The following DOCK4 variants were observed in gnomAD, a reference collection of about 807,000 sequenced individuals.
DOCK4 encodes the protein dedicator of cytokinesis protein 4.
A neutral mutation model predicts 268.1 loss-of-function variants in DOCK4; 97 were observed. The ratio of observed to expected loss-of-function variants is 0.36; its 90% CI spans 0.31 to 0.43. The LOEUF (loss-of-function observed/expected upper bound fraction) is 0.43, where lower values mean the gene tolerates loss of function less well. Among genes scored for constraint, DOCK4 ranks in the 20% least tolerant of loss-of-function variants. The pLI is 1.00. For missense variants in DOCK4, 2,145 were observed against 2,455.7 expected (o/e 0.87, Z 2.67); for synonymous variants, 954 against 887.2 (o/e 1.08, Z -1.34).
chr7:112,013,422 A>T (rs1801523968), intron 1 of DOCK4, among the ~76,000 whole-genome samples: 1 of 152,194 alleles, frequency 6.6e-6, no homozygotes, highest in South Asian at 2.1e-4. Flanking sequence ...TCTCAAGGAG[A>T]TAGGGGAGCC....
chr7:112,168,166 C>G (rs1359079198), intron 1 of DOCK4, among the ~76,000 whole-genome samples: 1 of 152,134 alleles, frequency 6.6e-6, no homozygotes, highest in Non-Finnish European at 1.5e-5. Context: ...TTTTAAACTA[C>G]CTTTACATCA....
intron 27 of DOCK4, chr7:111,819,670 A>G (rs969915062): frequency 2.0e-5 from 3 of 152,200 alleles, no homozygotes; most frequent in African/African-American, 7.2e-5. Flanking sequence ...AATTTACTTG[A>G]AAACAGAGGA....
intron 25 of DOCK4, among the ~76,000 whole-genome samples, chr7:111,835,863 G>A (rs1803197706): frequency 1.3e-5 from 2 of 152,060 alleles, no homozygotes; most frequent in African/African-American, 4.8e-5. Context: ...ACCATGTCAA[G>A]GCAACCAGGT....
chr7:111,872,978 G>A (rs573429354), intron 17 of DOCK4, among the ~76,000 whole-genome samples: 63 of 152,272 alleles, frequency 4.1e-4, no homozygotes, highest in African/African-American at 1.4e-3. Context: ...TTGAGGGCTG[G>A]GAACCTGCTT....
intron 37 of DOCK4, among the ~76,000 whole-genome samples, chr7:111,768,948 G>A (rs1040000751): frequency 1.3e-5 from 2 of 152,082 alleles, no homozygotes; most frequent in East Asian, 1.9e-4. Flanking sequence ...AAGTGATTAG[G>A]TCATGAGGGT....
At chr7:111,747,752 A>AATT (rs2133484522) in intron 42 of DOCK4, among the ~76,000 whole-genome samples, 1 of 42,162 alleles carries the variant, frequency 2.4e-5, no homozygotes, top group East Asian at 8.3e-4. Context: ...TGTCTTTTAA[A>AATT]ACTAGTTTTT....
At chr7:111,930,961 A>G (rs1164651631) in intron 12 of DOCK4, among the ~76,000 whole-genome samples, 1 of 152,146 alleles carries the variant, frequency 6.6e-6, no homozygotes, top group Non-Finnish European at 1.5e-5. Context: ...TCTAGAGCAG[A>G]ATATTAGAGT....
chr7:111,734,724 G>A (rs1050710762), intron 51 of DOCK4, among the ~76,000 whole-genome samples: 4 of 152,200 alleles, frequency 2.6e-5, no homozygotes, highest in Non-Finnish European at 5.9e-5. Flanking sequence ...AGCGGAGGTT[G>A]ATAAGAATGA....
rs117291364 is a variant in DOCK4 at position 112,082,481 on chromosome 7, T to C, written c.38-78350A>G. On this transcript the variant is annotated intron_variant, in intron 1 of 52. Transcript: ENST00000428084. The stretch of plus-strand genomic sequence containing the variant: ...TCCCTACTCCTTTACTGGGGGATAA[T>C]AGGATTGGCAACCCATAGGCACGCT... 4.6e-3 allele frequency among the ~76,000 whole-genome samples: 704 copies of C among 152,296 alleles called. 4 individuals are homozygous for C. The highest frequency in any genetic ancestry group is 6.8e-3 in the Middle Eastern group (2 of 294).
Position 111,901,765 on chromosome 7 carries a change from C to A in DOCK4, c.1229G>T (p.Arg410Met), listed in dbSNP as rs771808786. The change falls in exon 14 of 53, where the codon AGG (arginine) becomes ATG (methionine). Residue 410 changes from arginine to methionine, a missense_variant. Arg to Met is a moderately conservative substitution (Grantham distance 91). This residue lies in a region of DOCK4 where 1,598 missense variants were observed against 1,986.7 expected (regional missense o/e 0.80). Coordinates refer to ENST00000428084, the MANE Select transcript of DOCK4 (RefSeq NM_001363540.2). Reference protein sequence around the residue: ...MRNDLYITIERGEFEKGGKSV... With the variant: ...MRNDLYITIEMGEFEKGGKSV... ...CTTCCCTCCTTTCTCAAATTCTCCC[C>A]TTTCAATAGTGATATATAAATCATT... is the stretch of plus-strand genomic sequence containing the variant. The A allele has an allele frequency of 1.9e-6, 3 of 1,599,752 alleles. No homozygotes were observed. The highest frequency in any genetic ancestry group is 2.6e-6 in the Non-Finnish European group (3 of 1,168,008).
At chr7:112,008,210 G>A (rs1228826080) in intron 1 of DOCK4, among the ~76,000 whole-genome samples, 4 of 152,048 alleles carry the variant, frequency 2.6e-5, no homozygotes, top group Admixed American at 1.3e-4. Context: ...TTTAAACTGC[G>A]TATAAAAACT....
chr7:111,751,737 G>A (rs1193780117), intron 42 of DOCK4, among the ~76,000 whole-genome samples: 2 of 152,036 alleles, frequency 1.3e-5, no homozygotes, highest in Non-Finnish European at 2.9e-5. Context: ...GAGCCGCCAT[G>A]CCTGGCCTAA....
At chr7:112,084,167 C>G (rs532780035) in intron 1 of DOCK4, among the ~76,000 whole-genome samples, 4 of 151,752 alleles carry the variant, frequency 2.6e-5, no homozygotes, top group African/African-American at 9.7e-5. Flanking sequence ...TGGCCCAGAA[C>G]ATGCCCAGCC....
chr7:111,822,593 T>G, intron 26 of DOCK4, 137 bp from the exon 27 acceptor site: 1 of 752,886 alleles, frequency 1.3e-6, no homozygotes, highest in Non-Finnish European at 2.1e-6. Context: ...GTTTAACAGT[T>G]TGCCCAAGGG....
intron 1 of DOCK4, among the ~76,000 whole-genome samples, chr7:112,090,407 A>T (rs1011801942): frequency 6.6e-6 from 1 of 152,216 alleles, no homozygotes; most frequent in African/African-American, 2.4e-5. Context: ...AGTAAAAACT[A>T]TATGAAAGCT....
At chr7:111,925,635 C>T (rs762428297) in intron 12 of DOCK4, among the ~76,000 whole-genome samples, 3 of 152,144 alleles carry the variant, frequency 2.0e-5, no homozygotes, top group South Asian at 4.1e-4. Context: ...TTACTCAAAG[C>T]CTCTACCCAG....
chr7:112,066,702 T>TATATATATATAC (rs1807067619), intron 1 of DOCK4, among the ~76,000 whole-genome samples: 1 of 44,448 alleles, frequency 2.2e-5, no homozygotes, highest in Non-Finnish European at 5.4e-5. Context: ...TATATATATA[T>TATATATATATAC]ATATATATAT....
chr7:112,009,809 T>C (rs568855885), intron 1 of DOCK4, among the ~76,000 whole-genome samples: 20 of 152,170 alleles, frequency 1.3e-4, no homozygotes, highest in African/African-American at 4.3e-4. Flanking sequence ...AACTAAATTC[T>C]TTTTTTTAAA....
At chr7:111,814,634 T>C (rs563784892) in intron 27 of DOCK4, among the ~76,000 whole-genome samples, 10 of 152,296 alleles carry the variant, frequency 6.6e-5, no homozygotes, top group East Asian at 1.9e-4. Context: ...AACCACCCAA[T>C]GAAGAGCAAG....
Sources: gnomAD v4.1 joint callset for allele counts (sites outside exome capture counted in the v4.1 genomes callset) on GRCh38, gnomAD v4.1.1 for gene constraint, gnomAD v4.1.1 regional missense constraint, MANE v1.5 for transcripts, NCBI Gene and HGNC (gene_info 2026-07-23, HGNC 2026-07-21) for gene names.